FAAH2: variants seen among roughly 807,000 people sequenced by gnomAD.
FAAH2 encodes fatty-acid amide hydrolase 2.
Under a neutral mutation model 36.9 loss-of-function variants are expected in FAAH2, and 60 were observed. The observed-to-expected ratio is 1.63, with a 90% confidence interval of 1.32 to 2.02. The LOEUF (loss-of-function observed/expected upper bound fraction) is 2.02, where lower values mean the gene tolerates loss of function less well. Among genes scored for constraint, FAAH2 ranks in the 30% most tolerant of loss-of-function variants. The pLI is 0.00. For missense variants in FAAH2, 689 were observed against 397.5 expected (o/e 1.73, Z -6.23); for synonymous variants, 214 against 143.8 (o/e 1.49, Z -3.49).
chrX:57,442,708 C>T (rs1437133674), intron 8 of FAAH2, among the ~76,000 whole-genome samples: 1 of 111,781 alleles, frequency 8.9e-6, no homozygotes, highest in East Asian at 2.8e-4. Flanking sequence ...TTAGCATTGA[C>T]AGTTTTTACA....
chrX:57,286,329 C>A (rs1453325336), upstream of FAAH2, among the ~76,000 whole-genome samples: 2 of 112,154 alleles, frequency 1.8e-5, no homozygotes, highest in Non-Finnish European at 3.8e-5. Context: ...ATACTTACAA[C>A]ACTTTTTTCA....
chrX:57,394,225 C>T (rs2055237366), intron 7 of FAAH2: 3 of 688,588 alleles, frequency 4.4e-6, no homozygotes, highest in South Asian at 4.3e-5. Context: ...GTCGCACACA[C>T]ATAAAAAAGT....
chrX:57,268,593 A>G, the FAAH2 span, among the ~76,000 whole-genome samples: 1 of 111,716 alleles, frequency 9.0e-6, no homozygotes, highest in African/African-American at 3.3e-5. Flanking sequence ...TGTTAAAGGG[A>G]GGTAGAGAGA....
intron 5 of FAAH2, among the ~76,000 whole-genome samples, chrX:57,371,603 T>A (rs1255359671): frequency 1.0e-5 from 1 of 96,701 alleles, no homozygotes; most frequent in Non-Finnish European, 2.1e-5. Context: ...TACCCAGTGA[T>A]GGGATGATTG....
intron 8 of FAAH2, among the ~76,000 whole-genome samples, chrX:57,446,570 C>T (rs778951912): frequency 2.3e-4 from 26 of 112,042 alleles, no homozygotes; most frequent in Non-Finnish European, 4.5e-4. Flanking sequence ...TTATCAGTCA[C>T]TCTACAACCC....
chrX:57,141,177 G>A, the FAAH2 span, among the ~76,000 whole-genome samples: 7 of 110,055 alleles, frequency 6.4e-5, no homozygotes, highest in African/African-American at 2.3e-4. Flanking sequence ...ATTTTTTTTG[G>A]CATCTATTGA....
Position 57,380,990 on chromosome X carries a change from G to C in FAAH2, c.957G>C (p.Met319Ile). 1 of 1,194,239 alleles carries C rather than the reference G, an allele frequency of 8.4e-7. No individual in the cohort carries two copies. The highest frequency in any genetic ancestry group is 1.9e-5 in the South Asian group (1 of 52,738). ...WMEHDGGSFL[M>I]SKVDQDLIMT... Reference sequence around the variant, plus strand: ...AACATGATGGAGGCTCATTTTTAATGTCCAAAGTGGACCAAGATCTCATTA... The same window carrying C: ...AACATGATGGAGGCTCATTTTTAATCTCCAAAGTGGACCAAGATCTCATTA... The change falls in exon 7 of 11, where the codon ATG (methionine) becomes ATC (isoleucine). Residue 319 changes from methionine to isoleucine, a missense_variant. By Grantham distance (10) the Met-to-Ile change is conservative. Coordinates refer to ENST00000374900, the MANE Select transcript of FAAH2 (RefSeq NM_174912.4).
chrX:57,296,351 T>G (rs762984520), intron 2 of FAAH2, among the ~76,000 whole-genome samples: 1 of 111,877 alleles, frequency 8.9e-6, no homozygotes, highest in Non-Finnish European at 1.9e-5. Context: ...GGGTCTGCAG[T>G]GGACCTCCAG....
intron 5 of FAAH2, among the ~76,000 whole-genome samples, chrX:57,349,952 TTATAA>T (rs775031832): frequency 6.3e-5 from 7 of 110,483 alleles, no homozygotes; most frequent in South Asian, 3.8e-4. Context: ...TCACAGCACA[TTATAA>T]TATAACTGTC....
the FAAH2 span, among the ~76,000 whole-genome samples, chrX:57,212,311 C>A: frequency 8.9e-6 from 1 of 112,091 alleles, no homozygotes; most frequent in African/African-American, 3.2e-5. Context: ...ATCTTAAAAA[C>A]CAGATGCTAT....
At chrX:57,431,647 G>A (rs761164493) in intron 7 of FAAH2, among the ~76,000 whole-genome samples, 1 of 111,177 alleles carries the variant, frequency 9.0e-6, no homozygotes, top group Non-Finnish European at 1.9e-5. Flanking sequence ...AGGGCAAGCA[G>A]AAATGACATG....
chrX:57,421,427 T>C (rs998636938), intron 7 of FAAH2, among the ~76,000 whole-genome samples: 1 of 111,969 alleles, frequency 8.9e-6, no homozygotes, highest in Non-Finnish European at 1.9e-5. Context: ...GACTGGGTTA[T>C]TTAAGCAACA....
At chrX:57,210,637 C>G in the FAAH2 span, among the ~76,000 whole-genome samples, 9 of 112,389 alleles carry the variant, frequency 8.0e-5, no homozygotes, top group African/African-American at 2.9e-4. Flanking sequence ...AAAGAACTTA[C>G]AGTTAGCATA....
intron 5 of FAAH2, among the ~76,000 whole-genome samples, chrX:57,360,423 G>T (rs1382654706): frequency 1.8e-5 from 2 of 109,315 alleles, no homozygotes; most frequent in Non-Finnish European, 3.8e-5. Context: ...TTTAAGGTTT[G>T]CTAATTATTT....
intron 7 of FAAH2, among the ~76,000 whole-genome samples, chrX:57,392,219 T>C (rs1291230287): frequency 9.0e-6 from 1 of 111,262 alleles, no homozygotes; most frequent in Non-Finnish European, 1.9e-5. Context: ...ATGTAAAGTC[T>C]AGGTTTTCTA....
the FAAH2 span, among the ~76,000 whole-genome samples, chrX:57,276,855 C>G: frequency 2.1e-4 from 23 of 111,594 alleles, no homozygotes; most frequent in Admixed American, 1.4e-3. Flanking sequence ...AACACATATA[C>G]CCTCCCAAGA....
At chrX:57,160,825 G>T in the FAAH2 span, among the ~76,000 whole-genome samples, 1 of 111,384 alleles carries the variant, frequency 9.0e-6, no homozygotes, top group Admixed American at 9.5e-5. Flanking sequence ...TGGATTGATT[G>T]ATTTTTTGAA....
chrX:57,433,865 A>C (rs935054001), intron 8 of FAAH2, among the ~76,000 whole-genome samples: 2 of 111,724 alleles, frequency 1.8e-5, no homozygotes, highest in African/African-American at 6.5e-5. Context: ...TCCACATTCA[A>C]TGAAAGTAAA....
the FAAH2 span, among the ~76,000 whole-genome samples, chrX:57,162,203 G>C: frequency 8.9e-6 from 1 of 111,928 alleles, no homozygotes; most frequent in Admixed American, 9.5e-5. Flanking sequence ...ATCTCTTCTG[G>C]TTTGTAGGGT....
Sources: allele counts gnomAD v4.1 joint callset (sites outside exome capture counted in the v4.1 genomes callset), GRCh38; gene constraint gnomAD v4.1.1; transcripts MANE v1.5; gene names NCBI Gene and HGNC (gene_info 2026-07-23, HGNC 2026-07-21).